The following RBM19 variants were observed in gnomAD, a reference collection of about 807,000 sequenced individuals.
RBM19 encodes probable RNA-binding protein 19.
A neutral mutation model predicts 116.8 loss-of-function variants in RBM19; 94 were observed. That is an observed-to-expected ratio of 0.80 (90% CI 0.68 to 0.95). The LOEUF (loss-of-function observed/expected upper bound fraction) is 0.95, where lower values mean the gene tolerates loss of function less well. Among genes scored for constraint, RBM19 ranks in the 40% least tolerant of loss-of-function variants. RBM19 has a pLI of 0.00. For synonymous variants in RBM19, 475 were observed against 494.1 expected, an observed-to-expected ratio of 0.96 and a Z score of 0.51; for missense variants, 1,161 against 1,220.7, an observed-to-expected ratio of 0.95 and a Z score of 0.73.
chr12:113,914,180 T>C (rs1381673702), intron 21 of RBM19, among the ~76,000 whole-genome samples: 1 of 152,270 alleles, frequency 6.6e-6, no homozygotes, highest in Non-Finnish European at 1.5e-5. Flanking sequence ...AGAATCCACA[T>C]GGCTGGTTTC....
chr12:113,882,081 G>A (rs1465595518), intron 21 of RBM19, among the ~76,000 whole-genome samples: 1 of 152,236 alleles, frequency 6.6e-6, no homozygotes, highest in Non-Finnish European at 1.5e-5. Flanking sequence ...CCTGTTCTCT[G>A]GGAGTTCTGT....
At chr12:113,925,320 G>T (rs1263904168) in intron 17 of RBM19, among the ~76,000 whole-genome samples, 1 of 152,158 alleles carries the variant, frequency 6.6e-6, no homozygotes, top group African/African-American at 2.4e-5. Context: ...CAGGGGCCGG[G>T]GAGAAACTTG....
chr12:113,860,879 A>G (rs1489376148), intron 21 of RBM19, among the ~76,000 whole-genome samples: 1 of 152,220 alleles, frequency 6.6e-6, no homozygotes, highest in Admixed American at 6.5e-5. Context: ...GGCTCAGGGT[A>G]GAAGCCTGAA....
chr12:113,879,989 C>G (rs1252996956), intron 21 of RBM19, among the ~76,000 whole-genome samples: 1 of 151,798 alleles, frequency 6.6e-6, no homozygotes, highest in Non-Finnish European at 1.5e-5. Context: ...AAAATGACAG[C>G]TCCCCGGGCA....
chr12:113,886,973 GT>G (rs1396162594), intron 21 of RBM19, among the ~76,000 whole-genome samples: 1 of 152,188 alleles, frequency 6.6e-6, no homozygotes, highest in Non-Finnish European at 1.5e-5. Context: ...CTACACCAGG[GT>G]TTGGCAAACT....
intron 21 of RBM19, among the ~76,000 whole-genome samples, chr12:113,892,306 C>A (rs564630781): frequency 2.6e-5 from 4 of 152,192 alleles, no homozygotes; most frequent in African/African-American, 9.6e-5. Context: ...CTCATCTGTG[C>A]GGTGGTGATA....
intron 22 of RBM19, among the ~76,000 whole-genome samples, chr12:113,858,410 C>T (rs1015985824): frequency 1.3e-5 from 2 of 152,198 alleles, no homozygotes; most frequent in Admixed American, 6.5e-5. Flanking sequence ...ACTCTCCAAG[C>T]GCCCTGCCCT....
chr12:113,947,566 G>GC, intron 10 of RBM19, 102 bp from the exon 11 acceptor site: 1 of 1,315,658 alleles, frequency 7.6e-7, no homozygotes, highest in Non-Finnish European at 1.0e-6. Flanking sequence ...CAGGTCATGG[G>GC]TGTCATTTCC....
intron 1 of RBM19, among the ~76,000 whole-genome samples, chr12:113,965,230 C>T (rs1351764116): frequency 1.3e-5 from 2 of 149,172 alleles, no homozygotes; most frequent in East Asian, 3.9e-4. Context: ...CCGAGACTGC[C>T]GAGATTGCTC....
chr12:113,829,858 G>T (rs367796799), intron 23 of RBM19, among the ~76,000 whole-genome samples: 2 of 152,334 alleles, frequency 1.3e-5, no homozygotes. Context: ...CAGAGGACAG[G>T]CAGTGCCCAG....
chr12:113,861,714 G>A (rs1878413082), intron 21 of RBM19, among the ~76,000 whole-genome samples: 2 of 152,142 alleles, frequency 1.3e-5, no homozygotes. Flanking sequence ...GAAAAACGCT[G>A]TTGAGGAGAG....
At chr12:113,885,569 T>C (rs1276332871) in intron 21 of RBM19, among the ~76,000 whole-genome samples, 2 of 152,220 alleles carry the variant, frequency 1.3e-5, no homozygotes. Context: ...TCTAGGTTAA[T>C]TTCCTGGTTT....
At chr12:113,939,475 C>T (rs548289077) in intron 15 of RBM19, among the ~76,000 whole-genome samples, 2 of 151,478 alleles carry the variant, frequency 1.3e-5, no homozygotes, top group Admixed American at 6.6e-5. Flanking sequence ...CCCGGCCCGG[C>T]GCAGTGGCTC....
intron 23 of RBM19, among the ~76,000 whole-genome samples, chr12:113,827,821 G>C (rs1216850711): frequency 2.0e-5 from 3 of 151,910 alleles, no homozygotes; most frequent in Non-Finnish European, 4.4e-5. Flanking sequence ...CTCCTGGCTG[G>C]GCAACCTTGG....
At position 113,825,188 on chromosome 12, in the gene RBM19, G is replaced by A. The variant is rs1874751356; in HGVS notation, c.2786-1867C>T. On this transcript the variant is annotated intron_variant, in intron 23 of 23. Transcript: ENST00000261741. This position sits in a 1 kb window ranked among gnomAD's most constrained non-coding sequence, Gnocchi z 5.7. ...CCAGAAAGGGGAATGAGCGGACGGA[G>A]CAAGGGTGAGAGAGAGACGGCAGAG... 6.6e-6 allele frequency among the ~76,000 whole-genome samples: 1 copy of A among 152,240 alleles called. No individual in the cohort carries two copies. The highest frequency in any genetic ancestry group is 6.5e-5 in the Admixed American group (1 of 15,292).
Position 113,959,231 on chromosome 12 carries a change from TC to T in RBM19, c.551del (p.Gly184GlufsTer28). The T allele has an allele frequency of 6.2e-7, 1 of 1,611,810 alleles. No individual in the cohort carries two copies. The highest frequency in any genetic ancestry group is 2.0e-4 in the Middle Eastern group (1 of 5,052). On this transcript the variant is annotated frameshift_variant, in exon 5 of 24. Transcript: ENST00000261741. LOFTEE classifies it high-confidence loss of function. ...SDSGQESEEEGAGEDLEEEAS... is the reference protein window; with the variant it reads ...SDSGQESEEEXAGEDLEEEAS... ...CCTCACCTTCCAGGTCCTCCCCGGC[TC>T]CCTCCTCCTCACTCTCCTGCCCAGA...
intron 4 of RBM19, 58 bp downstream of exon 4, chr12:113,959,791 TACCCTCTCCAGTCTCC>T (rs139890079): frequency 0.031 from 48,598 of 1,553,212 alleles, 2,245 homozygotes; most frequent in Admixed American, 0.2. Context: ...TCCCAGCCTC[TACCCTCTCCAGTCTCC>T]ACCCTCTTCC....
rs115400991 is a variant in RBM19 at position 113,911,161 on chromosome 12, C to T, written c.2558+3808G>A. 5.6e-3 allele frequency among the ~76,000 whole-genome samples: 854 copies of T among 152,278 alleles called. 9 individuals are homozygous for T. The highest frequency in any genetic ancestry group is 0.019 in the African/African-American group (805 of 41,548). ...GGGTGAGCTGACCACTGGCCATTTC[C>T]GTCCTTGTTTGAGTGGTGGGGTGAG... On this transcript the variant is annotated intron_variant, in intron 21 of 23. Transcript: ENST00000261741.
rs1871267826 is a variant in RBM19, at chr12:113,948,992, T to C, written c.1117A>G (p.Thr373Ala). 1 of 1,614,060 alleles carries C rather than the reference T, an allele frequency of 6.2e-7. No individual in the cohort carries two copies. Among genetic ancestry groups the C allele is most frequent in the Non-Finnish European group, 8.5e-7 (1 of 1,180,024 alleles). ...GTGGTATTCTTTGGTGCACCCTTGGTGGTGGGGACGTTCTTTTCCCTGAAC... is the reference window on the plus strand; with the variant it reads ...GTGGTATTCTTTGGTGCACCCTTGGCGGTGGGGACGTTCTTTTCCCTGAAC... Reference protein sequence around the residue: ...EVFREKNVPTTKGAPKNTTKS... With the variant: ...EVFREKNVPTAKGAPKNTTKS... Residue 373 changes from threonine to alanine, a missense_variant, in exon 10 of 24, where the codon ACC becomes GCC. Physicochemically the swap from Thr to Ala is moderately conservative, Grantham distance 58. Coordinates refer to ENST00000261741, the MANE Select transcript of RBM19 (RefSeq NM_016196.4).
Sources: allele counts gnomAD v4.1 joint callset (sites outside exome capture counted in the v4.1 genomes callset), GRCh38; gene constraint gnomAD v4.1.1; non-coding constraint Gnocchi (gnomAD v3.1); transcripts MANE v1.5; gene names NCBI Gene and HGNC (gene_info 2026-07-23, HGNC 2026-07-21).